Variants in RRN3 observed in about 807,000 individuals in gnomAD.
The protein encoded by RRN3 is RNA polymerase I transcription factor RRN3, also known as RNA polymerase I-specific transcription initiation factor RRN3.
In RRN3, 38 loss-of-function variants were observed where a neutral mutation model predicts 82.3. The ratio of observed to expected loss-of-function variants is 0.46; its 90% CI spans 0.36 to 0.61. The LOEUF is 0.61. Ranked by LOEUF, RRN3 falls within the 20% of genes least tolerant of loss-of-function variation. The pLI is 0.00. For missense variants in RRN3, 726 were observed against 793.1 expected (o/e 0.92, Z 1.02); for synonymous variants, 284 against 284.3 (o/e 1.00, Z 0.01).
intron 1 of RRN3, chr16:15,093,867 G>A: frequency 2.1e-6 from 1 of 481,242 alleles, no homozygotes. Context: ...GAGGGGTCAA[G>A]GCGCAGAAGG....
chr16:15,090,715 T>C (rs1284457888), intron 3 of RRN3, among the ~76,000 whole-genome samples: 2 of 152,160 alleles, frequency 1.3e-5, no homozygotes, highest in African/African-American at 4.8e-5. Context: ...GATAATAAAA[T>C]TGGAATTTCA....
intron 9 of RRN3, 73 bp downstream of exon 9, chr16:15,079,925 T>G (rs1197035409): frequency 7.0e-7 from 1 of 1,426,350 alleles, no homozygotes; most frequent in East Asian, 2.5e-5. Context: ...CACTGACTAT[T>G]GTTTCCACAT....
intron 3 of RRN3, among the ~76,000 whole-genome samples, chr16:15,089,644 C>A (rs1248477504): frequency 1.3e-5 from 2 of 150,890 alleles, no homozygotes; most frequent in Non-Finnish European, 3.0e-5. Context: ...ACTAAAAATA[C>A]AAAAAATTAG....
chr16:15,066,461 C>T (rs2044977926), intron 15 of RRN3, among the ~76,000 whole-genome samples: 1 of 151,856 alleles, frequency 6.6e-6, no homozygotes, highest in African/African-American at 2.4e-5. Flanking sequence ...GATGAAACCC[C>T]ATCTCTACTA....
At chr16:15,089,523 G>A (rs1207596912) in intron 3 of RRN3, among the ~76,000 whole-genome samples, 5 of 152,106 alleles carry the variant, frequency 3.3e-5, no homozygotes, top group African/African-American at 9.7e-5. Context: ...ATCACTGGCC[G>A]GGCGTGGTTA....
At chr16:15,089,603 A>G (rs1321797601) in intron 3 of RRN3, among the ~76,000 whole-genome samples, 1 of 151,080 alleles carries the variant, frequency 6.6e-6, no homozygotes, top group African/African-American at 2.4e-5. Context: ...GATCGAGACC[A>G]TCCTGGCTAA....
intron 8 of RRN3, 149 bp downstream of exon 8, chr16:15,083,364 A>C: frequency 7.9e-7 from 1 of 1,271,058 alleles, no homozygotes; most frequent in Non-Finnish European, 1.1e-6. Flanking sequence ...ACGCCATTGC[A>C]CTCCAGCTTG....
intron 2 of RRN3, 142 bp downstream of exon 2, chr16:15,092,367 T>C (rs1183883876): frequency 4.6e-6 from 3 of 654,302 alleles, no homozygotes; most frequent in Non-Finnish European, 8.3e-6. Context: ...AATTTTGCAC[T>C]GACGGCATCA....
intron 9 of RRN3, among the ~76,000 whole-genome samples, chr16:15,078,541 T>G (rs1162293063): frequency 1.3e-5 from 2 of 152,174 alleles, no homozygotes; most frequent in Non-Finnish European, 2.9e-5. Flanking sequence ...TCTTTTCATC[T>G]TTCTAAAAAA....
chr16:15,085,851 A>G (rs2045897564), intron 5 of RRN3, among the ~76,000 whole-genome samples, 153 bp from the exon 6 acceptor site: 1 of 152,210 alleles, frequency 6.6e-6, no homozygotes, highest in African/African-American at 2.4e-5. Flanking sequence ...TAAACGCACA[A>G]TCTGAAAAAA....
chr16:15,093,859 G>A (rs1247215763), intron 1 of RRN3: 3 of 467,592 alleles, frequency 6.4e-6, no homozygotes, highest in East Asian at 4.2e-5. Context: ...GGAAGGAAGA[G>A]GGGTCAAGGC....
chr16:15,075,788 G>A lies in RRN3; in HGVS notation c.858+770C>T, dbSNP rs541160506. Reference sequence around the variant, plus strand: ...CTCTGCTCCTGGTGCCCACCATGGCGGGTGCTTTTGGTGCCGGGCCCCCTT... The same window carrying A: ...CTCTGCTCCTGGTGCCCACCATGGCAGGTGCTTTTGGTGCCGGGCCCCCTT... On this transcript the variant is annotated intron_variant, in intron 10 of 17. Coordinates refer to ENST00000198767, the MANE Select transcript of RRN3 (RefSeq NM_018427.5). 9.9e-4 allele frequency among the ~76,000 whole-genome samples: 150 copies of A among 152,202 alleles called. 2 individuals are homozygous for A. Among genetic ancestry groups the A allele is most frequent in the South Asian group, 2.1e-3 (10 of 4,814 alleles).
intron 3 of RRN3, among the ~76,000 whole-genome samples, chr16:15,089,771 G>A (rs1183381370): frequency 8.8e-6 from 1 of 113,430 alleles, no homozygotes; most frequent in African/African-American, 3.4e-5. Context: ...CTGCACTCCA[G>A]CCTGGGCGAC....
At chr16:15,065,673 T>C (rs1369180230) in intron 15 of RRN3, among the ~76,000 whole-genome samples, 2 of 152,198 alleles carry the variant, frequency 1.3e-5, no homozygotes, top group Non-Finnish European at 2.9e-5. Flanking sequence ...ATAGATACTA[T>C]TCATTAAAAA....
In RRN3 at chr16:15,074,842, T is replaced by A. The variant is rs1362432349; in HGVS notation, c.878A>T (p.Glu293Val). 7 of 1,610,382 alleles carry A rather than the reference T, an allele frequency of 4.3e-6. No homozygotes were observed. Among genetic ancestry groups the A allele is most frequent in the African/African-American group, 2.7e-5 (2 of 74,754 alleles). Reference sequence around the variant, plus strand: ...TTCAGGACCAGCCTTTGTTTCATGTTCAGTTTCTTCATCTTCATCCTTTGA... The same window carrying A: ...TTCAGGACCAGCCTTTGTTTCATGTACAGTTTCTTCATCTTCATCCTTTGA... ...LFNMDEDEETEHETKAGPERL... is the reference protein window; with the variant it reads ...LFNMDEDEETVHETKAGPERL... The change falls in exon 11 of 18, where the codon GAA becomes GTA. Residue 293 changes from glutamate (E) to valine (V), a missense_variant. Glu to Val is a moderately radical substitution (Grantham distance 121). Transcript: ENST00000198767.
intron 6 of RRN3, among the ~76,000 whole-genome samples, 187 bp downstream of exon 6, chr16:15,085,452 T>C (rs1298672782): frequency 2.0e-5 from 3 of 152,184 alleles, no homozygotes; most frequent in Non-Finnish European, 2.9e-5. Flanking sequence ...TGCCTAGTTC[T>C]ACTTTAAGCC....
intron 9 of RRN3, among the ~76,000 whole-genome samples, chr16:15,079,317 G>A (rs1187922714): frequency 6.6e-6 from 1 of 152,084 alleles, no homozygotes; most frequent in Non-Finnish European, 1.5e-5. Context: ...CTTAAACAAA[G>A]TTTTAACTGT....
intron 8 of RRN3, among the ~76,000 whole-genome samples, chr16:15,081,041 A>AT (rs2151802295): frequency 6.6e-6 from 1 of 152,330 alleles, no homozygotes; most frequent in East Asian, 1.9e-4. Flanking sequence ...TTAGGGTCCA[A>AT]TCATGTTGTA....
chr16:15,078,342 C>A (rs1276737718), intron 9 of RRN3, among the ~76,000 whole-genome samples: 1 of 152,150 alleles, frequency 6.6e-6, no homozygotes, highest in African/African-American at 2.4e-5. Flanking sequence ...CACTCCTAAA[C>A]CACGCCTCTT....
Sources: allele counts gnomAD v4.1 joint callset (sites outside exome capture counted in the v4.1 genomes callset), GRCh38; gene constraint gnomAD v4.1.1; transcripts MANE v1.5; gene names NCBI Gene and HGNC (gene_info 2026-07-23, HGNC 2026-07-21).